The following CLK4 variants were observed in gnomAD, a reference collection of about 807,000 sequenced individuals.
CLK4 encodes the protein dual specificity protein kinase CLK4.
Under a neutral mutation model 64.4 loss-of-function variants are expected in CLK4, and 37 were observed. That is an observed-to-expected ratio of 0.57 (90% CI 0.44 to 0.76). CLK4 has a LOEUF of 0.76. Among genes scored for constraint, CLK4 ranks in the 30% least tolerant of loss-of-function variants. The probability of loss-of-function intolerance (pLI) is 0.00; values close to 1 mark genes in which losing one functional copy is unlikely to be tolerated. For synonymous variants in CLK4, 175 were observed against 191.6 expected (o/e 0.91, Z 0.72); for missense variants, 457 against 605.1 (o/e 0.76, Z 2.57).
rs1764643924 is a variant in CLK4, at chr5:178,617,690, A to C, written c.385-256T>G. On this transcript the variant is annotated intron_variant, in intron 3 of 12. Transcript: ENST00000316308. This position sits in a 1 kb window ranked among gnomAD's most constrained non-coding sequence, Gnocchi z 5.2. Reference sequence around the variant, plus strand: ...ACTTAAAGTGGCAATAGAAAAAAACAACACAATTGTCTCTTTAAAATACTG... The same window carrying C: ...ACTTAAAGTGGCAATAGAAAAAAACCACACAATTGTCTCTTTAAAATACTG... The C allele has an allele frequency of 3.5e-6, 1 of 287,966 alleles. No homozygotes were observed. 17.8% of individuals were successfully genotyped at this position (287,966 alleles called of 1,614,324 possible).
intron 3 of CLK4, chr5:178,618,016 G>GT (rs1308680624): frequency 2.0e-5 from 3 of 149,070 alleles, no homozygotes; most frequent in African/African-American, 5.0e-5. Context: ...ATGTCTGAGT[G>GT]TTAAAAAAAA....
intron 5 of CLK4, among the ~76,000 whole-genome samples, chr5:178,614,399 TG>T (rs1260794142): frequency 3.3e-5 from 5 of 152,150 alleles, no homozygotes; most frequent in African/African-American, 1.2e-4. Context: ...CTCTAAGTAA[TG>T]AAGCCCAGAA....
intron 2 of CLK4, among the ~76,000 whole-genome samples, chr5:178,621,049 G>C (rs889431863): frequency 4.6e-5 from 7 of 152,168 alleles, no homozygotes; most frequent in Non-Finnish European, 1.0e-4. Flanking sequence ...ATCCCAGCAA[G>C]AGCAATTTTC....
rs1447692530 is a variant in CLK4 at position 178,612,516 on chromosome 5, T to C, written c.951A>G (p.Thr317=). 1.2e-6 allele frequency: 2 copies of C among 1,614,102 alleles called. No homozygotes were observed. The highest frequency in any genetic ancestry group is 3.3e-5 in the Admixed American group (2 of 60,028). The change falls in exon 9 of 13, where the codon ACA becomes ACG. Residue 317 remains threonine (T), a synonymous_variant. Coordinates refer to ENST00000316308, the MANE Select transcript of CLK4 (RefSeq NM_020666.3). ...MKRDERTLKN[T]DIKVVDFGSA... Reference sequence around the variant, plus strand: ...TTCCAAAGTCAACAACTTTGATATCTGTGTTTTTCAGTGTGCGTTCATCAC... The same window carrying C: ...TTCCAAAGTCAACAACTTTGATATCCGTGTTTTTCAGTGTGCGTTCATCAC...
chr5:178,603,827 A>C lies in CLK4; in HGVS notation c.1305+17T>G. The C allele has an allele frequency of 6.3e-7, 1 of 1,594,776 alleles. No individual in the cohort carries two copies. Among genetic ancestry groups the C allele is most frequent in the Admixed American group, 1.8e-5 (1 of 54,622 alleles). ...CAAACACGTGGTTTATTTAACCTTT[A>C]ATCTTTTTTCTTTTACCTTCAACGG... On this transcript the variant is annotated intron_variant, in intron 12 of 12. Coordinates refer to ENST00000316308, the MANE Select transcript of CLK4 (RefSeq NM_020666.3).
Position 178,612,473 on chromosome 5 carries a change from C to G in CLK4, c.994G>C (p.Glu332Gln). Residue 332 changes from glutamate (E) to glutamine (Q), a missense_variant, in exon 9 of 13, where the codon GAA becomes CAA. By Grantham distance (29) the Glu-to-Gln change is conservative. Coordinates refer to ENST00000316308, the MANE Select transcript of CLK4 (RefSeq NM_020666.3). ...VDFGSATYDDEHHSTLVSTRH... is the reference protein window; with the variant it reads ...VDFGSATYDDQHHSTLVSTRH... ...GTAGACACCAAAGTACTGTGATGTT[C>G]ATCATCATACGTTGCACTTCCAAAG... 6.2e-7 allele frequency: 1 copy of G among 1,613,928 alleles called. No homozygotes were observed. The highest frequency in any genetic ancestry group is 8.5e-7 in the Non-Finnish European group (1 of 1,179,872).
chr5:178,614,417 T>C (rs1764599635), intron 5 of CLK4, among the ~76,000 whole-genome samples: 1 of 152,200 alleles, frequency 6.6e-6, no homozygotes, highest in South Asian at 2.1e-4. Context: ...AGAAAAACCT[T>C]AGCAGATGCA....
At chr5:178,621,344 T>C (rs553869828) in intron 2 of CLK4, among the ~76,000 whole-genome samples, 17 of 152,240 alleles carry the variant, frequency 1.1e-4, no homozygotes, top group African/African-American at 4.1e-4. Flanking sequence ...TATATAAAGG[T>C]AGGGTTTACA....
At chr5:178,612,138 C>A (rs1180879776) in intron 9 of CLK4, among the ~76,000 whole-genome samples, 1 of 149,694 alleles carries the variant, frequency 6.7e-6, no homozygotes, top group African/African-American at 2.4e-5. Flanking sequence ...AATCACATTT[C>A]TTTGATGCAT....
At chr5:178,622,424 T>C in intron 2 of CLK4, 1 of 986,800 alleles carries the variant, frequency 1.0e-6, no homozygotes, top group Non-Finnish European at 1.2e-6. Context: ...CTGGCTAATT[T>C]AGAAAGCAAT....
At chr5:178,624,301 C>CA (rs1379397958) in intron 1 of CLK4, among the ~76,000 whole-genome samples, 1 of 152,104 alleles carries the variant, frequency 6.6e-6, no homozygotes, top group African/African-American at 2.4e-5. Context: ...ACTGTCTCTA[C>CA]AAAAAAAATT....
intron 1 of CLK4, among the ~76,000 whole-genome samples, chr5:178,624,072 T>C (rs6866952): frequency 0.21 from 31,317 of 152,182 alleles, 4,613 homozygotes; most frequent in African/African-American, 0.4. Flanking sequence ...GAAGCTTCTT[T>C]TTCTCAAATT....
chr5:178,619,854 C>A, intron 2 of CLK4: 1 of 1,209,564 alleles, frequency 8.3e-7, no homozygotes, highest in Non-Finnish European at 1.1e-6. Flanking sequence ...TGAGTGTCCT[C>A]TTCAACAGAG....
intron 2 of CLK4, chr5:178,620,101 A>C: frequency 1.7e-5 from 5 of 302,412 alleles, no homozygotes; most frequent in South Asian, 1.4e-4. Context: ...GCTAGCATCA[A>C]ATCCAGGCTG....
At chr5:178,616,566 C>T (rs749101119) in intron 5 of CLK4, among the ~76,000 whole-genome samples, 13 of 152,160 alleles carry the variant, frequency 8.5e-5, no homozygotes, top group Non-Finnish European at 1.3e-4. Flanking sequence ...GAAACTGAGG[C>T]GGGTAGATCA....
chr5:178,620,405 T>C (rs537263644), intron 2 of CLK4: 4 of 267,046 alleles, frequency 1.5e-5, no homozygotes, highest in East Asian at 1.7e-4. Flanking sequence ...AAACAACGTA[T>C]AGAGTAACAA....
chr5:178,608,335 ATT>A (rs367701719), intron 10 of CLK4, 39 bp downstream of exon 10: 1 of 1,404,154 alleles, frequency 7.1e-7, no homozygotes, highest in South Asian at 1.3e-5. Context: ...AACGTTTACA[ATT>A]TGTTATGAAT....
At chr5:178,623,466 G>A (rs1764737523) in intron 1 of CLK4, 50 bp from the exon 2 acceptor site, 1 of 1,432,994 alleles carries the variant, frequency 7.0e-7, no homozygotes, top group Non-Finnish European at 9.3e-7. Flanking sequence ...ATGTGTGATA[G>A]GTAAATTATT....
At chr5:178,605,263 T>C (rs1581703494) in intron 11 of CLK4, 40 bp downstream of exon 11, 2 of 1,239,836 alleles carry the variant, frequency 1.6e-6, no homozygotes, top group African/African-American at 1.5e-5. Context: ...ATATATGCTA[T>C]TGCACATATC....
Sources: gnomAD v4.1 joint callset for allele counts (sites outside exome capture counted in the v4.1 genomes callset) on GRCh38, gnomAD v4.1.1 for gene constraint, Gnocchi (gnomAD v3.1) non-coding constraint, MANE v1.5 for transcripts, NCBI Gene and HGNC (gene_info 2026-07-23, HGNC 2026-07-21) for gene names.